NRXN3: variants seen among roughly 807,000 people sequenced by gnomAD.
The protein encoded by NRXN3 is neurexin 3, also known as neurexin III.
A neutral mutation model predicts 137.6 loss-of-function variants in NRXN3; 32 were observed. The observed-to-expected ratio is 0.23, with a 90% confidence interval of 0.18 to 0.31. The LOEUF is 0.31. NRXN3 is among the 10% of genes least tolerant of loss of function. The probability of loss-of-function intolerance (pLI) is 1.00; values close to 1 mark genes in which losing one functional copy is unlikely to be tolerated. For missense variants in NRXN3, 1,574 were observed against 2,062.5 expected, an observed-to-expected ratio of 0.76 and a Z score of 4.59; for synonymous variants, 798 against 784.5, an observed-to-expected ratio of 1.02 and a Z score of -0.29.
At chr14:79,593,556 G>A (rs945393839) in intron 16 of NRXN3, among the ~76,000 whole-genome samples, 8 of 150,108 alleles carry the variant, frequency 5.3e-5, no homozygotes, top group African/African-American at 1.7e-4. Context: ...GCGTGAACCC[G>A]GGAGGCAGAG....
At chr14:79,611,582 AG>A (rs1437501951) in intron 16 of NRXN3, 1 of 152,344 alleles carries the variant, frequency 6.6e-6, no homozygotes, top group Non-Finnish European at 1.5e-5. Flanking sequence ...CCTGGGCGAC[AG>A]AGCGAGACTC....
At chr14:79,520,406 A>G (rs889792695) in intron 16 of NRXN3, among the ~76,000 whole-genome samples, 2 of 152,154 alleles carry the variant, frequency 1.3e-5, no homozygotes, top group African/African-American at 4.8e-5. Context: ...TCAACCTGTC[A>G]TCTACATTAG....
intron 15 of NRXN3, among the ~76,000 whole-genome samples, chr14:79,087,472 C>A (rs2048348145): frequency 6.6e-6 from 1 of 152,128 alleles, no homozygotes. Context: ...TTTATAACAA[C>A]TGGCAAGCCT....
chr14:78,713,147 G>A (rs189327044), intron 7 of NRXN3, among the ~76,000 whole-genome samples: 4 of 152,294 alleles, frequency 2.6e-5, no homozygotes, highest in Admixed American at 2.6e-4. Flanking sequence ...TTGGCCTAGG[G>A]TCATAAAGAC....
intron 10 of NRXN3, among the ~76,000 whole-genome samples, chr14:78,878,371 A>G (rs1320093555): frequency 6.6e-6 from 1 of 152,168 alleles, no homozygotes; most frequent in Admixed American, 6.6e-5. Flanking sequence ...ATTTAATAAA[A>G]TTTCTGAACA....
At chr14:78,405,618 G>GGGGC (rs386381907) in intron 4 of NRXN3, among the ~76,000 whole-genome samples, 26 of 142,888 alleles carry the variant, frequency 1.8e-4, no homozygotes, top group Admixed American at 7.6e-4. Context: ...AGGGGCGGGG[G>GGGGC]GGTTCCGGGT....
At chr14:78,396,073 G>T (rs2091423918) in intron 4 of NRXN3, among the ~76,000 whole-genome samples, 1 of 151,314 alleles carries the variant, frequency 6.6e-6, no homozygotes, top group African/African-American at 2.4e-5. Context: ...CTTCCTGTTT[G>T]TTACTTGAAT....
rs201868340 is a variant in NRXN3, at chr14:79,752,053, T to C, written c.4015-53059T>C. Among the ~76,000 whole-genome samples, 358 of 152,094 alleles carry C rather than the reference T, an allele frequency of 2.4e-3. 10 individuals are homozygous for C. The East Asian group carries it at 0.043, about 18-fold the overall frequency. ...ATTCTCTTTTTTGGTTGTGTCTCTG[T>C]CCAGCTTTGGTATCAGGATGATGCT... On this transcript the variant is annotated intron_variant, in intron 19 of 20. Transcript: ENST00000335750.
chr14:79,346,882 T>C (rs1566868106), intron 15 of NRXN3, among the ~76,000 whole-genome samples: 2 of 152,202 alleles, frequency 1.3e-5, no homozygotes, highest in Admixed American at 1.3e-4. Context: ...GTTTCTGTCT[T>C]GTTTATCACC....
chr14:79,469,205 A>G (rs2153616277), intron 16 of NRXN3, among the ~76,000 whole-genome samples: 1 of 152,318 alleles, frequency 6.6e-6, no homozygotes, highest in African/African-American at 2.4e-5. Flanking sequence ...TTTGAGTCAA[A>G]TAGTGTACTA....
At chr14:79,192,713 G>A (rs528354963) in intron 15 of NRXN3, among the ~76,000 whole-genome samples, 2 of 151,646 alleles carry the variant, frequency 1.3e-5, no homozygotes, top group South Asian at 4.2e-4. Context: ...GGACGAATAA[G>A]GTTGACACTC....
intron 4 of NRXN3, among the ~76,000 whole-genome samples, chr14:78,446,286 A>G (rs190699921): frequency 4.6e-5 from 7 of 152,222 alleles, no homozygotes; most frequent in East Asian, 1.9e-4. Flanking sequence ...TACCAGGTCA[A>G]TGAGTTGAGT....
chr14:78,274,774 C>G (rs989733748), intron 2 of NRXN3, among the ~76,000 whole-genome samples: 12 of 152,248 alleles, frequency 7.9e-5, no homozygotes, highest in African/African-American at 2.6e-4. Flanking sequence ...AAGTGGGTTT[C>G]CAATTCTTTC....
At chr14:78,394,893 T>C (rs1275170741) in intron 4 of NRXN3, among the ~76,000 whole-genome samples, 1 of 151,840 alleles carries the variant, frequency 6.6e-6, no homozygotes, top group Non-Finnish European at 1.5e-5. Flanking sequence ...ATCCTTTTGA[T>C]ATGTTCGGGG....
At chr14:78,980,838 C>T (rs1567888437) in intron 14 of NRXN3, among the ~76,000 whole-genome samples, 1 of 152,154 alleles carries the variant, frequency 6.6e-6, no homozygotes, top group Non-Finnish European at 1.5e-5. Flanking sequence ...TGTCTTGTCA[C>T]TTTCTGTAGT....
At chr14:78,339,115 G>T (rs2081859956) in intron 4 of NRXN3, among the ~76,000 whole-genome samples, 1 of 152,154 alleles carries the variant, frequency 6.6e-6, no homozygotes, top group African/African-American at 2.4e-5. Context: ...TTTGCCTAGG[G>T]GCTGGCTGCT....
intron 16 of NRXN3, among the ~76,000 whole-genome samples, chr14:79,568,982 A>G (rs1183413802): frequency 6.6e-6 from 1 of 152,090 alleles, no homozygotes; most frequent in Non-Finnish European, 1.5e-5. Flanking sequence ...TATAATTGCT[A>G]TGTTGATGGG....
chr14:79,488,509 G>A (rs2096679557), intron 16 of NRXN3, among the ~76,000 whole-genome samples: 1 of 152,192 alleles, frequency 6.6e-6, no homozygotes, highest in Admixed American at 6.5e-5. Flanking sequence ...GACAACGCAT[G>A]GGAGCAGAAG....
chr14:78,361,599 G>A (rs191537172), intron 4 of NRXN3, among the ~76,000 whole-genome samples: 1 of 152,128 alleles, frequency 6.6e-6, no homozygotes, highest in East Asian at 1.9e-4. Flanking sequence ...GGAACTAGTG[G>A]GTCTTAAAAA....
Sources: gnomAD v4.1 joint callset for allele counts (sites outside exome capture counted in the v4.1 genomes callset) on GRCh38, gnomAD v4.1.1 for gene constraint, MANE v1.5 for transcripts, NCBI Gene and HGNC (gene_info 2026-07-23, HGNC 2026-07-21) for gene names.